MAP1B: variants seen among roughly 807,000 people sequenced by gnomAD.
MAP1B encodes microtubule-associated protein 1B.
A neutral mutation model predicts 176.1 loss-of-function variants in MAP1B; 12 were observed. The observed-to-expected ratio is 0.07, with a 90% CI of 0.04 to 0.11. The LOEUF (loss-of-function observed/expected upper bound fraction) is 0.11, where lower values mean the gene tolerates loss of function less well. Ranked by LOEUF, MAP1B falls within the 10% of genes least tolerant of loss-of-function variation. The pLI, the probability that MAP1B is intolerant of heterozygous loss-of-function variation, is 1.00. For synonymous variants in MAP1B, 1,044 were observed against 1,135.0 expected, an observed-to-expected ratio of 0.92 and a Z score of 1.61; for missense variants, 2,523 against 2,990.5, an observed-to-expected ratio of 0.84 and a Z score of 3.65.
intron 2 of MAP1B, among the ~76,000 whole-genome samples, chr5:72,161,981 GAAA>G (rs1561302326): frequency 8.1e-5 from 11 of 135,662 alleles, no homozygotes; most frequent in Admixed American, 2.2e-4. Flanking sequence ...AAAAAAGAAA[GAAA>G]GAAAGAAAGA....
chr5:72,170,782 C>G (rs912145514), intron 2 of MAP1B, among the ~76,000 whole-genome samples: 3 of 152,018 alleles, frequency 2.0e-5, no homozygotes, highest in African/African-American at 7.2e-5. Flanking sequence ...CCTGTTTCTA[C>G]TAAAAATACA....
At chr5:72,157,369 G>A (rs1746245489) in intron 2 of MAP1B, among the ~76,000 whole-genome samples, 1 of 152,204 alleles carries the variant, frequency 6.6e-6, no homozygotes, top group Admixed American at 6.5e-5. Flanking sequence ...CTTTGTCATT[G>A]TTGTTTTAAA....
intron 4 of MAP1B, among the ~76,000 whole-genome samples, chr5:72,188,360 C>T (rs1746958292): frequency 6.6e-6 from 1 of 152,172 alleles, no homozygotes; most frequent in Non-Finnish European, 1.5e-5. Context: ...CTGGAAGTGG[C>T]CCAATGACAT....
chr5:72,139,487 G>A (rs990979971), intron 2 of MAP1B, among the ~76,000 whole-genome samples: 6 of 152,330 alleles, frequency 3.9e-5, no homozygotes, highest in African/African-American at 1.4e-4. Flanking sequence ...TTCTAGCCCT[G>A]CAAGGTAAGA....
At chr5:72,166,647 G>A (rs1430484385) in intron 2 of MAP1B, among the ~76,000 whole-genome samples, 3 of 152,174 alleles carry the variant, frequency 2.0e-5, no homozygotes, top group African/African-American at 4.8e-5. Flanking sequence ...GCCCGAGGCC[G>A]AGCTAATCCT....
rs1464755197 is a variant in MAP1B at position 72,175,038 on chromosome 5, T to C, written c.287-8705T>C. Among the ~76,000 whole-genome samples, 819 of 127,728 alleles carry C rather than the reference T, an allele frequency of 6.4e-3. 10 individuals are homozygous for C. Among genetic ancestry groups the C allele is most frequent in the African/African-American group, 0.022 (776 of 34,944 alleles). 83.8% of individuals were successfully genotyped at this position (127,728 alleles called of 152,430 possible). A position where few individuals can be genotyped will look rare whatever the true frequency, so the allele number is the denominator to read the frequency against. ...CCCTTCCTTCCCTCCCTCCCTCCCTTCCCTCCCTCCCTCCTTCCTTCTATC... is the reference window on the plus strand; with the variant it reads ...CCCTTCCTTCCCTCCCTCCCTCCCTCCCCTCCCTCCCTCCTTCCTTCTATC... On this transcript the variant is annotated intron_variant, in intron 2 of 6. Transcript: ENST00000296755.
chr5:72,173,980 A>G (rs779037563), intron 2 of MAP1B, among the ~76,000 whole-genome samples: 22 of 152,328 alleles, frequency 1.4e-4, no homozygotes, highest in Admixed American at 8.5e-4. Context: ...GTACAAAAAA[A>G]TTAGCCAGCC....
At chr5:72,163,224 T>A in intron 2 of MAP1B, among the ~76,000 whole-genome samples, 1 of 50,628 alleles carries the variant, frequency 2.0e-5, no homozygotes, top group Non-Finnish European at 3.7e-5. Flanking sequence ...TGAGACTCCA[T>A]CTCAAAAAAA....
At chr5:72,145,395 C>T (rs1407655663) in intron 2 of MAP1B, among the ~76,000 whole-genome samples, 2 of 151,840 alleles carry the variant, frequency 1.3e-5, no homozygotes, top group Admixed American at 6.6e-5. Flanking sequence ...AAGAGGGAAC[C>T]GTGTTTCCAT....
chr5:72,112,502 C>G (rs1745361325), intron 1 of MAP1B, among the ~76,000 whole-genome samples: 1 of 152,186 alleles, frequency 6.6e-6, no homozygotes, highest in Non-Finnish European at 1.5e-5. Context: ...TCCCTGCCTC[C>G]CTGCCCCATA....
At chr5:72,168,845 A>C (rs1193233165) in intron 2 of MAP1B, among the ~76,000 whole-genome samples, 1 of 152,230 alleles carries the variant, frequency 6.6e-6, no homozygotes, top group African/African-American at 2.4e-5. Context: ...CATTGGCCAG[A>C]TTTGGTTGAA....
In MAP1B at chr5:72,200,375, G is replaced by T. The variant is rs1243905129; in HGVS notation, c.7012+8G>T. 20 of 1,611,438 alleles carry T rather than the reference G, an allele frequency of 1.2e-5. No homozygotes were observed. Among genetic ancestry groups the T allele is most frequent in the Admixed American group, 1.7e-5 (1 of 59,670 alleles). On this transcript the variant is annotated splice_region_variant and intron_variant, in intron 5 of 6. Coordinates refer to ENST00000296755, the MANE Select transcript of MAP1B (RefSeq NM_005909.5). ...CCAAGACCGCCACTGCAGGTAGGTT[G>T]AGAAGGCTGGGCATTGGATATATGT... is the stretch of plus-strand genomic sequence containing the variant.
intron 5 of MAP1B, among the ~76,000 whole-genome samples, chr5:72,201,167 A>G (rs1747326673): frequency 1.3e-5 from 2 of 151,614 alleles, no homozygotes. Context: ...AGTTGAGACC[A>G]GCCTGTGCAA....
chr5:72,189,369 C>G (rs560524564), intron 4 of MAP1B, among the ~76,000 whole-genome samples: 2 of 152,300 alleles, frequency 1.3e-5, no homozygotes, highest in Admixed American at 6.5e-5. Flanking sequence ...TTATTTGTCT[C>G]ATTGTATCTT....
At chr5:72,200,766 G>A (rs1747317274) in intron 5 of MAP1B, among the ~76,000 whole-genome samples, 1 of 152,164 alleles carries the variant, frequency 6.6e-6, no homozygotes, top group African/African-American at 2.4e-5. Context: ...GGCCTAAGGA[G>A]AACCAGAGGT....
At chr5:72,182,763 G>C (rs1362207394) in intron 2 of MAP1B, among the ~76,000 whole-genome samples, 1 of 152,150 alleles carries the variant, frequency 6.6e-6, no homozygotes, top group Non-Finnish European at 1.5e-5. Context: ...GTACTTCCAA[G>C]CAGCAGACAT....
At chr5:72,151,399 C>T (rs1201371002) in intron 2 of MAP1B, among the ~76,000 whole-genome samples, 1 of 152,142 alleles carries the variant, frequency 6.6e-6, no homozygotes, top group Admixed American at 6.5e-5. Context: ...CAAGAACAAA[C>T]AAGTCATGTC....
At chr5:72,123,394 C>T (rs1745566196) in intron 2 of MAP1B, among the ~76,000 whole-genome samples, 2 of 152,128 alleles carry the variant, frequency 1.3e-5, no homozygotes, top group African/African-American at 4.8e-5. Flanking sequence ...GTCTCTGCCT[C>T]CTGGGATGAA....
chr5:72,178,660 C>A (rs1746699795), intron 2 of MAP1B, among the ~76,000 whole-genome samples: 1 of 151,756 alleles, frequency 6.6e-6, no homozygotes, highest in Admixed American at 6.6e-5. Context: ...AAATCAGAGG[C>A]TTGCTTTATT....
Sources: gnomAD v4.1 joint callset for allele counts (sites outside exome capture counted in the v4.1 genomes callset) on GRCh38, gnomAD v4.1.1 for gene constraint, MANE v1.5 for transcripts, NCBI Gene and HGNC (gene_info 2026-07-23, HGNC 2026-07-21) for gene names.